The following PEX14 variants were observed in gnomAD, a reference collection of about 807,000 sequenced individuals.
The protein encoded by PEX14 is peroxisomal biogenesis factor 14, also known as peroxisomal membrane protein PEX14.
A neutral mutation model predicts 49.5 loss-of-function variants in PEX14; 15 were observed. That is an observed-to-expected ratio of 0.30 (90% CI 0.20 to 0.47). The LOEUF (loss-of-function observed/expected upper bound fraction) is 0.47, where lower values mean the gene tolerates loss of function less well. PEX14 is among the 20% of genes least tolerant of loss of function. The pLI is 1.00. For missense variants in PEX14, 398 were observed against 494.8 expected, an observed-to-expected ratio of 0.80 and a Z score of 1.86; for synonymous variants, 210 against 212.7, an observed-to-expected ratio of 0.99 and a Z score of 0.11.
chr1:10,586,380 T>C (rs944984902), intron 3 of PEX14, among the ~76,000 whole-genome samples: 1 of 152,172 alleles, frequency 6.6e-6, no homozygotes, highest in Non-Finnish European at 1.5e-5. Context: ...TGAATTGCTG[T>C]GACCATTTTG....
At chr1:10,521,382 C>G (rs941586624) in intron 2 of PEX14, among the ~76,000 whole-genome samples, 2 of 152,152 alleles carry the variant, frequency 1.3e-5, no homozygotes, top group African/African-American at 4.8e-5. Context: ...TCTGGCTGCT[C>G]TAAGATGATG....
chr1:10,557,932 C>T (rs1489062970), intron 3 of PEX14, among the ~76,000 whole-genome samples: 1 of 151,358 alleles, frequency 6.6e-6, no homozygotes, highest in Non-Finnish European at 1.5e-5. Flanking sequence ...TCCTGTTGAC[C>T]AACTGGATAG....
intron 3 of PEX14, among the ~76,000 whole-genome samples, chr1:10,538,517 T>G (rs1400554329): frequency 1.3e-5 from 2 of 152,248 alleles, no homozygotes; most frequent in African/African-American, 4.8e-5. Context: ...TAATTATCCA[T>G]TTCCGAGTTG....
chr1:10,578,415 A>C (rs888564142), intron 3 of PEX14, among the ~76,000 whole-genome samples: 3 of 152,178 alleles, frequency 2.0e-5, no homozygotes, highest in African/African-American at 4.8e-5. Flanking sequence ...AAAATAAAGC[A>C]TAAAATTGTG....
chr1:10,625,762 A>C (rs1641727160), intron 7 of PEX14, among the ~76,000 whole-genome samples: 1 of 152,232 alleles, frequency 6.6e-6, no homozygotes, highest in Non-Finnish European at 1.5e-5. Context: ...GAAATTGGAA[A>C]ACTGTTTTCA....
At chr1:10,547,939 G>T (rs768120558) in intron 3 of PEX14, among the ~76,000 whole-genome samples, 21 of 152,256 alleles carry the variant, frequency 1.4e-4, no homozygotes, top group Non-Finnish European at 2.8e-4. Flanking sequence ...TTGTTGGCTG[G>T]GTGCAGTGGC....
intron 3 of PEX14, among the ~76,000 whole-genome samples, chr1:10,565,269 A>G (rs942426131): frequency 1.3e-5 from 2 of 152,080 alleles, no homozygotes; most frequent in African/African-American, 4.8e-5. Flanking sequence ...GAAAGATACT[A>G]TTTTCCTCTG....
intron 1 of PEX14, among the ~76,000 whole-genome samples, chr1:10,486,203 A>G (rs1641364780): frequency 6.6e-6 from 1 of 152,248 alleles, no homozygotes; most frequent in African/African-American, 2.4e-5. Context: ...TTTGAGTGCA[A>G]TGTTAAAAGT....
intron 4 of PEX14, among the ~76,000 whole-genome samples, chr1:10,615,113 C>T (rs1435208504): frequency 6.6e-6 from 1 of 152,170 alleles, no homozygotes; most frequent in East Asian, 1.9e-4. Context: ...CCGAGTGTCA[C>T]TGCACAGCCT....
intron 2 of PEX14, among the ~76,000 whole-genome samples, chr1:10,499,736 C>T (rs1174223865): frequency 2.6e-5 from 4 of 152,132 alleles, no homozygotes; most frequent in Admixed American, 1.3e-4. Flanking sequence ...TGTGAGCCAA[C>T]GTGCCTGGCC....
intron 3 of PEX14, among the ~76,000 whole-genome samples, chr1:10,589,641 G>A (rs1640601473): frequency 6.6e-6 from 1 of 152,070 alleles, no homozygotes; most frequent in Admixed American, 6.6e-5. Context: ...TCAAACTCCT[G>A]GGCTCAAGCA....
chr1:10,588,956 C>T (rs1245114289), intron 3 of PEX14, among the ~76,000 whole-genome samples: 1 of 152,098 alleles, frequency 6.6e-6, no homozygotes, highest in Non-Finnish European at 1.5e-5. Flanking sequence ...ATAGAATGTA[C>T]AGAATTTTGT....
chr1:10,523,825 TA>T (rs59324356), intron 2 of PEX14, among the ~76,000 whole-genome samples: 2,156 of 132,340 alleles, frequency 0.016, 35 homozygotes, highest in Middle Eastern at 0.05. Flanking sequence ...TCCTTTTAGT[TA>T]AAAAAAAAAA....
chr1:10,510,848 C>T (rs1557818993), intron 2 of PEX14, among the ~76,000 whole-genome samples: 1 of 152,158 alleles, frequency 6.6e-6, no homozygotes, highest in South Asian at 2.1e-4. Flanking sequence ...TGCCGATGTT[C>T]AGTGGATGAC....
At chr1:10,523,517 T>TAGGG (rs1553185808) in intron 2 of PEX14, among the ~76,000 whole-genome samples, 1 of 151,802 alleles carries the variant, frequency 6.6e-6, no homozygotes, top group Non-Finnish European at 1.5e-5. Context: ...ATGGCACAGG[T>TAGGG]AGGGGGTCCT....
intron 2 of PEX14, among the ~76,000 whole-genome samples, chr1:10,509,021 C>A (rs375098167): frequency 6.6e-6 from 1 of 151,898 alleles, no homozygotes; most frequent in Non-Finnish European, 1.5e-5. Context: ...ACTGCAAACA[C>A]CGCCTCCTAG....
chr1:10,517,917 AG>A (rs760010804), intron 2 of PEX14, among the ~76,000 whole-genome samples: 7 of 152,134 alleles, frequency 4.6e-5, no homozygotes, highest in Non-Finnish European at 8.8e-5. Context: ...AATGCAGTCT[AG>A]GGAAGTAAGT....
intron 2 of PEX14, among the ~76,000 whole-genome samples, chr1:10,525,900 A>AG (rs1638461399): frequency 6.7e-6 from 1 of 149,576 alleles, no homozygotes; most frequent in Non-Finnish European, 1.5e-5. Context: ...TTGAGGTTGC[A>AG]GGCGTGAGCC....
intron 3 of PEX14, among the ~76,000 whole-genome samples, chr1:10,576,158 C>T (rs1444573001): frequency 2.0e-5 from 3 of 152,066 alleles, no homozygotes; most frequent in Non-Finnish European, 4.4e-5. Context: ...CAAACATTTT[C>T]CCCACCGTTC....
Sources: gnomAD v4.1 joint callset for allele counts (sites outside exome capture counted in the v4.1 genomes callset) on GRCh38, gnomAD v4.1.1 for gene constraint, MANE v1.5 for transcripts, NCBI Gene and HGNC (gene_info 2026-07-23, HGNC 2026-07-21) for gene names.